TRPM3: variants seen among roughly 807,000 people sequenced by gnomAD.
The protein encoded by TRPM3 is transient receptor potential cation channel subfamily M member 3, also known as long transient receptor potential channel 3.
TRPM3 carries 77 observed loss-of-function variants against 181.2 expected under a neutral mutation model. The ratio of observed to expected loss-of-function variants is 0.42; its 90% confidence interval spans 0.35 to 0.51. TRPM3 has a LOEUF of 0.51. Among genes scored for constraint, TRPM3 ranks in the 20% least tolerant of loss-of-function variants. The probability of loss-of-function intolerance (pLI) is 0.01; values close to 1 mark genes in which losing one functional copy is unlikely to be tolerated. For synonymous variants in TRPM3, 745 were observed against 796.4 expected, an observed-to-expected ratio of 0.94 and a Z score of 1.09; for missense variants, 1,759 against 2,196.7, an observed-to-expected ratio of 0.80 and a Z score of 3.98.
intron 5 of TRPM3, among the ~76,000 whole-genome samples, chr9:70,835,388 G>T (rs1267564000): frequency 6.6e-6 from 1 of 151,618 alleles, no homozygotes; most frequent in Non-Finnish European, 1.5e-5. Context: ...CTTCTTTAAG[G>T]CTTCGAAATG....
At chr9:71,199,851 GT>G (rs972251367) in intron 1 of TRPM3, among the ~76,000 whole-genome samples, 1 of 151,684 alleles carries the variant, frequency 6.6e-6, no homozygotes, top group African/African-American at 2.4e-5. Flanking sequence ...TTTTTGAAGG[GT>G]TTTTTGTGTC....
chr9:71,409,025 G>A (rs2093491312), intron 1 of TRPM3, among the ~76,000 whole-genome samples: 1 of 152,102 alleles, frequency 6.6e-6, no homozygotes, highest in South Asian at 2.1e-4. Context: ...ATAAGTGAAG[G>A]AGATATGAAA....
intron 1 of TRPM3, among the ~76,000 whole-genome samples, chr9:71,305,318 T>C (rs2087179396): frequency 6.6e-6 from 1 of 152,230 alleles, no homozygotes; most frequent in African/African-American, 2.4e-5. Context: ...AGATGGAGGC[T>C]GATTTTTAGA....
At chr9:71,446,732 C>T (rs2094209291) in exon 1 of TRPM3, 1 of 1,550,478 alleles carries the variant, frequency 6.4e-7, no homozygotes, top group African/African-American at 1.4e-5. Flanking sequence ...CTCGGCAAAC[C>T]TGCCCCGGCT....
intron 1 of TRPM3, among the ~76,000 whole-genome samples, chr9:71,365,269 T>C (rs1190561776): frequency 6.6e-6 from 1 of 152,236 alleles, no homozygotes; most frequent in Non-Finnish European, 1.5e-5. Flanking sequence ...AGCATGTTTT[T>C]GGTGAAGTTT....
At chr9:71,298,614 A>T (rs58574288) in intron 1 of TRPM3, among the ~76,000 whole-genome samples, 7,833 of 152,154 alleles carry the variant, frequency 0.051, 651 homozygotes, top group African/African-American at 0.18. Context: ...GTTTCTCACA[A>T]TAATAGGAAT....
At chr9:71,176,790 A>G (rs536855575) in intron 1 of TRPM3, among the ~76,000 whole-genome samples, 1 of 152,202 alleles carries the variant, frequency 6.6e-6, no homozygotes, top group Non-Finnish European at 1.5e-5. Context: ...TGTATTTTCC[A>G]TGTTTAAATA....
chr9:70,586,587 C>G (rs1459799236), intron 22 of TRPM3, among the ~76,000 whole-genome samples: 1 of 152,184 alleles, frequency 6.6e-6, no homozygotes, highest in Non-Finnish European at 1.5e-5. Context: ...AACCCTTTCC[C>G]AAAAGTTGGC....
At chr9:71,268,725 G>A (rs560841973) in intron 1 of TRPM3, among the ~76,000 whole-genome samples, 2 of 152,252 alleles carry the variant, frequency 1.3e-5, no homozygotes, top group East Asian at 3.9e-4. Flanking sequence ...AGTTGGCTGA[G>A]GTGGGAGAAT....
chr9:71,319,325 G>C (rs2088966174), intron 1 of TRPM3, among the ~76,000 whole-genome samples: 1 of 152,114 alleles, frequency 6.6e-6, no homozygotes, highest in South Asian at 2.1e-4. Context: ...GCCTAGGAAA[G>C]CCAGGGTTGT....
chr9:71,157,161 G>T (rs541845781), intron 1 of TRPM3, among the ~76,000 whole-genome samples: 3 of 152,076 alleles, frequency 2.0e-5, no homozygotes, highest in Non-Finnish European at 4.4e-5. Context: ...AATAGAAAAT[G>T]AATAACAGTA....
intron 1 of TRPM3, among the ~76,000 whole-genome samples, chr9:71,063,249 C>G (rs2061527021): frequency 6.6e-6 from 1 of 152,138 alleles, no homozygotes; most frequent in Non-Finnish European, 1.5e-5. Context: ...CCCTGAGGAG[C>G]CTGGAATGCT....
In TRPM3 at chr9:70,534,641, A is replaced by G. The variant is rs1462241837; in HGVS notation, c.*1312T>C. On this transcript the variant is annotated 3_prime_UTR_variant, in exon 26 of 26. Coordinates refer to ENST00000677713, the MANE Select transcript of TRPM3 (RefSeq NM_001366145.2). Reference sequence around the variant, plus strand: ...AGCTCTGTCTATAAGAAAAATATTCATGGTATGCTTGCAACTGATGGCTTT... The same window carrying G: ...AGCTCTGTCTATAAGAAAAATATTCGTGGTATGCTTGCAACTGATGGCTTT... 1.3e-5 allele frequency: 2 copies of G among 152,182 alleles called. No homozygotes were observed. Among genetic ancestry groups the G allele is most frequent in the Non-Finnish European group, 2.9e-5 (2 of 68,024 alleles). 9.4% of individuals were successfully genotyped at this position (152,182 alleles called of 1,614,324 possible).
At chr9:71,222,674 A>G (rs145433099) in intron 1 of TRPM3, among the ~76,000 whole-genome samples, 1 of 152,328 alleles carries the variant, frequency 6.6e-6, no homozygotes, top group Non-Finnish European at 1.5e-5. Flanking sequence ...TGGATAAGAT[A>G]GTCTTGAATT....
intron 1 of TRPM3, among the ~76,000 whole-genome samples, chr9:71,016,531 A>C (rs1053721576): frequency 6.6e-6 from 1 of 152,156 alleles, no homozygotes; most frequent in Non-Finnish European, 1.5e-5. Context: ...TTTATGACTG[A>C]CTTAATTTAC....
chr9:70,860,136 A>G (rs941458500), intron 3 of TRPM3, among the ~76,000 whole-genome samples: 24 of 152,342 alleles, frequency 1.6e-4, no homozygotes, highest in African/African-American at 5.3e-4. Context: ...CATCTTGAGC[A>G]CTAGCTGTAT....
At chr9:71,179,893 A>T (rs1287916899) in intron 1 of TRPM3, among the ~76,000 whole-genome samples, 1 of 152,100 alleles carries the variant, frequency 6.6e-6, no homozygotes, top group Admixed American at 6.6e-5. Flanking sequence ...ACATGACTGC[A>T]GGACCCACCA....
chr9:71,364,314 G>A (rs1407045311), intron 1 of TRPM3, among the ~76,000 whole-genome samples: 6 of 152,058 alleles, frequency 3.9e-5, no homozygotes, highest in Admixed American at 6.5e-5. Flanking sequence ...AACCATTTAA[G>A]GAAACTTGAA....
At chr9:71,428,160 C>T (rs2093898655) in intron 1 of TRPM3, among the ~76,000 whole-genome samples, 1 of 151,820 alleles carries the variant, frequency 6.6e-6, no homozygotes, top group South Asian at 2.1e-4. Flanking sequence ...GGTGCAATCT[C>T]AGCTCATTGC....
Sources: gnomAD v4.1 joint callset for allele counts (sites outside exome capture counted in the v4.1 genomes callset) on GRCh38, gnomAD v4.1.1 for gene constraint, MANE v1.5 for transcripts, NCBI Gene and HGNC (gene_info 2026-07-23, HGNC 2026-07-21) for gene names.